The following RTN1 variants were observed in gnomAD, a reference collection of about 807,000 sequenced individuals.
RTN1 encodes reticulon-1.
In RTN1, 25 loss-of-function variants were observed where a neutral mutation model predicts 65.5. The observed-to-expected ratio is 0.38, with a 90% CI of 0.28 to 0.53. RTN1 has a LOEUF of 0.53. Ranked by LOEUF, RTN1 falls within the 20% of genes least tolerant of loss-of-function variation. The pLI is 0.79. For missense variants in RTN1, 983 were observed against 1,025.4 expected (o/e 0.96, Z 0.57); for synonymous variants, 471 against 447.6 (o/e 1.05, Z -0.66).
At chr14:59,630,617 A>G in intron 3 of RTN1, 4 of 1,567,310 alleles carry the variant, frequency 2.6e-6, no homozygotes, top group South Asian at 1.1e-5. Flanking sequence ...GCGGCTGCGG[A>G]GAGACTGAGG....
chr14:59,760,127 T>C (rs1885719893), intron 1 of RTN1, among the ~76,000 whole-genome samples: 1 of 152,200 alleles, frequency 6.6e-6, no homozygotes, highest in Admixed American at 6.5e-5. Flanking sequence ...AGCTAAACAA[T>C]GTATTGCTAT....
At chr14:59,730,273 T>C (rs1884871458) in intron 2 of RTN1, among the ~76,000 whole-genome samples, 1 of 152,186 alleles carries the variant, frequency 6.6e-6, no homozygotes. Context: ...ATGTGGCAAG[T>C]TATATTTTGG....
intron 1 of RTN1, among the ~76,000 whole-genome samples, chr14:59,776,055 C>G (rs11844804): frequency 0.37 from 55,910 of 151,952 alleles, 10,447 homozygotes; most frequent in Middle Eastern, 0.45. Context: ...TAGTCATTTT[C>G]TATCACTTTT....
chr14:59,635,122 C>T (rs1239824985), intron 3 of RTN1, among the ~76,000 whole-genome samples: 1 of 152,132 alleles, frequency 6.6e-6, no homozygotes, highest in Non-Finnish European at 1.5e-5. Context: ...TTATAGTGAA[C>T]ATGTAAGGCA....
chr14:59,854,854 C>A (rs1054376869), intron 1 of RTN1, among the ~76,000 whole-genome samples: 1 of 152,068 alleles, frequency 6.6e-6, no homozygotes, highest in Non-Finnish European at 1.5e-5. Context: ...AATAACCATA[C>A]CTACTTTATT....
intron 1 of RTN1, among the ~76,000 whole-genome samples, chr14:59,762,037 G>A (rs901572643): frequency 6.6e-6 from 1 of 152,132 alleles, no homozygotes; most frequent in Non-Finnish European, 1.5e-5. Flanking sequence ...GGCATGCCGT[G>A]GTGTGGCATG....
intron 3 of RTN1, among the ~76,000 whole-genome samples, chr14:59,633,086 T>C (rs1038033699): frequency 1.3e-5 from 2 of 152,048 alleles, no homozygotes; most frequent in African/African-American, 2.4e-5. Flanking sequence ...CTGGGTGACA[T>C]AGTGAGACCC....
intron 1 of RTN1, among the ~76,000 whole-genome samples, chr14:59,813,998 G>A (rs1886775134): frequency 6.6e-6 from 1 of 152,210 alleles, no homozygotes; most frequent in Non-Finnish European, 1.5e-5. Flanking sequence ...ACTTTAGAGA[G>A]TTAAATTTTC....
At chr14:59,643,851 A>T (rs1383136156) in intron 3 of RTN1, among the ~76,000 whole-genome samples, 1 of 152,104 alleles carries the variant, frequency 6.6e-6, no homozygotes, top group Non-Finnish European at 1.5e-5. Context: ...TCAACAAAAA[A>T]TTACTAGACA....
At chr14:59,814,973 A>G (rs1034575629) in intron 1 of RTN1, among the ~76,000 whole-genome samples, 4 of 152,218 alleles carry the variant, frequency 2.6e-5, no homozygotes, top group Admixed American at 6.5e-5. Flanking sequence ...TAAAACTTAA[A>G]GCCAAGATTA....
At position 59,846,190 on chromosome 14, in the gene RTN1, C is replaced by T. The variant is rs1022015139; in HGVS notation, c.241+24200G>A. Among the ~76,000 whole-genome samples, 2 of 152,186 alleles carry T rather than the reference C, an allele frequency of 1.3e-5. No homozygotes were observed. Among genetic ancestry groups the T allele is most frequent in the Non-Finnish European group, 2.9e-5 (2 of 68,024 alleles). ...TGATGCAAGAAGAGAACCAGTACCA[C>T]AGCTGTGACTTCTTCCTTACCCCAC... is the stretch of plus-strand genomic sequence containing the variant. On this transcript the variant is annotated intron_variant, in intron 1 of 8. Coordinates refer to ENST00000267484, the MANE Select transcript of RTN1 (RefSeq NM_021136.3). This position sits in a 1 kb window ranked among gnomAD's most constrained non-coding sequence, Gnocchi z 4.8.
chr14:59,731,512 TA>T (rs986077563), intron 2 of RTN1, among the ~76,000 whole-genome samples: 112 of 151,618 alleles, frequency 7.4e-4, no homozygotes, highest in African/African-American at 2.1e-3. Flanking sequence ...TAAAGCTGTT[TA>T]AAAAAAAATG....
intron 1 of RTN1, among the ~76,000 whole-genome samples, chr14:59,778,990 G>A (rs978000292): frequency 1.9e-4 from 29 of 152,254 alleles, no homozygotes; most frequent in African/African-American, 4.6e-4. Flanking sequence ...CCTGATTTCA[G>A]AAAAGTCACT....
intron 1 of RTN1, among the ~76,000 whole-genome samples, chr14:59,834,262 A>G (rs1475457648): frequency 6.6e-6 from 1 of 152,208 alleles, no homozygotes; most frequent in African/African-American, 2.4e-5. Context: ...AATTTCTAGA[A>G]GAAAACACAG....
rs546995090 is a variant in RTN1, at chr14:59,663,138, C to A, written c.1766-55646G>T. Among the ~76,000 whole-genome samples, 4 of 152,266 alleles carry A rather than the reference C, an allele frequency of 2.6e-5. No homozygotes were observed. In the South Asian group the frequency reaches 8.3e-4, roughly 32 times the overall value. On this transcript the variant is annotated intron_variant, in intron 3 of 8. Coordinates refer to ENST00000267484, the MANE Select transcript of RTN1 (RefSeq NM_021136.3). ...CACATCTACAACCATCTGATTTTGA[C>A]AAACCTGACAAGAACAAGCAGTGGG... is the stretch of plus-strand genomic sequence containing the variant.
At chr14:59,818,771 C>T (rs1334276327) in intron 1 of RTN1, among the ~76,000 whole-genome samples, 1 of 152,228 alleles carries the variant, frequency 6.6e-6, no homozygotes. Context: ...ACCTAATTTA[C>T]ATTCCCATTA....
chr14:59,839,790 C>G (rs959435492), intron 1 of RTN1, among the ~76,000 whole-genome samples: 2 of 151,874 alleles, frequency 1.3e-5, no homozygotes, highest in African/African-American at 4.8e-5. Flanking sequence ...TTTTCTCTCT[C>G]TAATATATCT....
chr14:59,718,397 G>A (rs576498510), intron 3 of RTN1, among the ~76,000 whole-genome samples: 1 of 152,306 alleles, frequency 6.6e-6, no homozygotes, highest in East Asian at 1.9e-4. Flanking sequence ...TTCCTTGCCT[G>A]TTAGTAAAAT....
At chr14:59,669,736 A>G (rs1350225897) in intron 3 of RTN1, among the ~76,000 whole-genome samples, 2 of 152,150 alleles carry the variant, frequency 1.3e-5, no homozygotes, top group Non-Finnish European at 2.9e-5. Context: ...TGTCTCTGAG[A>G]TCTCCTTGCT....
Sources: gnomAD v4.1 joint callset for allele counts (sites outside exome capture counted in the v4.1 genomes callset) on GRCh38, gnomAD v4.1.1 for gene constraint, Gnocchi (gnomAD v3.1) non-coding constraint, MANE v1.5 for transcripts, NCBI Gene and HGNC (gene_info 2026-07-23, HGNC 2026-07-21) for gene names.